ABCC9: variants seen among roughly 807,000 people sequenced by gnomAD.
ABCC9 encodes ATP binding cassette subfamily C member 9, also known as ATP-binding cassette sub-family C member 9.
A neutral mutation model predicts 188.3 loss-of-function variants in ABCC9; 95 were observed. The observed-to-expected ratio is 0.50, with a 90% CI of 0.43 to 0.60. The LOEUF (loss-of-function observed/expected upper bound fraction) is 0.60. Among genes scored for constraint, ABCC9 ranks in the 20% least tolerant of loss-of-function variants. The pLI is 0.00. For missense variants in ABCC9, 1,102 were observed against 1,876.3 expected (o/e 0.59, Z 7.62); for synonymous variants, 659 against 652.7 (o/e 1.01, Z -0.15).
rs34512824 is a variant in ABCC9 at position 21,910,770 on chromosome 12, A to G, written c.1164+56T>C. On this transcript the variant is annotated intron_variant, in intron 9 of 39. Transcript: ENST00000261200. ...AACTGAAGCTACCGCTATTCTTTTC[A>G]CTGAATGGTATATAGCATTCTTAGG... 6 of 1,496,422 alleles carry G rather than the reference A, an allele frequency of 4.0e-6. No homozygotes were observed. The South Asian group carries it at 4.8e-5, about 12-fold the overall frequency. 92.7% of individuals were successfully genotyped at this position (1,496,422 alleles called of 1,614,324 possible).
At chr12:21,859,124 C>G (rs571027638) in intron 22 of ABCC9, among the ~76,000 whole-genome samples, 3 of 152,088 alleles carry the variant, frequency 2.0e-5, no homozygotes, top group Non-Finnish European at 4.4e-5. Flanking sequence ...AGAGCAAAAC[C>G]AAGCTTTCTA....
chr12:21,857,409 A>G (rs754850347), intron 22 of ABCC9, among the ~76,000 whole-genome samples: 11 of 152,180 alleles, frequency 7.2e-5, no homozygotes, highest in Non-Finnish European at 4.4e-5. Context: ...AGGCTGATGA[A>G]CAGATAGTAC....
chr12:21,908,255 G>A (rs2137852914), intron 10 of ABCC9, 44 bp from the exon 11 acceptor site: 1 of 1,603,162 alleles, frequency 6.2e-7, no homozygotes, highest in South Asian at 1.1e-5. Context: ...AATGGGTTGT[G>A]GGAGCCATTG....
Position 21,908,199 on chromosome 12 carries a change from C to T in ABCC9, c.1333G>A (p.Val445Met). 1.2e-6 allele frequency: 2 copies of T among 1,612,358 alleles called. No homozygotes were observed. Among genetic ancestry groups the T allele is most frequent in the Non-Finnish European group, 1.7e-6 (2 of 1,178,860 alleles). ...WAMPVQIIMGVILLYNLLGSS... is the reference protein window; with the variant it reads ...WAMPVQIIMGMILLYNLLGSS... The stretch of plus-strand genomic sequence containing the variant: ...CCAAGTAAATTATAGAGCAGAATCA[C>T]GCCCATTATGATCTAGAGAGAAAAA... Residue 445 changes from valine (V) to methionine (M), a missense_variant, in exon 11 of 40, where the codon GTG becomes ATG. Physicochemically the swap from Val to Met is conservative, Grantham distance 21. Transcript: ENST00000261200.
intron 5 of ABCC9, chr12:21,925,239 T>C: frequency 2.5e-6 from 1 of 407,742 alleles, no homozygotes; most frequent in Non-Finnish European, 4.4e-6. Context: ...GGTCAGAGTA[T>C]TGAACATAAC....
At chr12:21,838,049 T>A in intron 30 of ABCC9, 29 bp downstream of exon 30, 1 of 1,501,554 alleles carries the variant, frequency 6.7e-7, no homozygotes, top group Non-Finnish European at 9.3e-7. Context: ...TATTGCCTAG[T>A]CAGCTAATAT....
intron 8 of ABCC9, 43 bp downstream of exon 8, chr12:21,912,829 T>G: frequency 6.3e-7 from 1 of 1,579,266 alleles, no homozygotes; most frequent in Non-Finnish European, 8.7e-7. Flanking sequence ...TACAATGAAA[T>G]CCATCAATAA....
At chr12:21,932,295 G>A (rs1949320374) in intron 4 of ABCC9, among the ~76,000 whole-genome samples, 1 of 151,632 alleles carries the variant, frequency 6.6e-6, no homozygotes, top group Admixed American at 6.6e-5. Context: ...AAAAATATGG[G>A]TTTTTAAAAC....
rs780802085 is a variant in ABCC9 at position 21,815,400 on chromosome 12, C to T, written c.4023+363G>A. ...GTAGAATGATTCCATTTTCTTCTGCCCACTTGTTCTTTTTACAATAACTAA... is the reference window on the plus strand; with the variant it reads ...GTAGAATGATTCCATTTTCTTCTGCTCACTTGTTCTTTTTACAATAACTAA... On this transcript the variant is annotated intron_variant, in intron 34 of 39. Coordinates refer to ENST00000261200, the MANE Select transcript of ABCC9 (RefSeq NM_020297.4). Among the ~76,000 whole-genome samples the T allele has an allele frequency of 2.0e-5, 3 of 151,478 alleles. No individual in the cohort carries two copies. The South Asian group carries it at 6.3e-4, about 32-fold the overall frequency.
At chr12:21,939,874 C>T (rs549582332) in intron 2 of ABCC9, among the ~76,000 whole-genome samples, 1 of 152,176 alleles carries the variant, frequency 6.6e-6, no homozygotes, top group Non-Finnish European at 1.5e-5. Flanking sequence ...GATTTCATGG[C>T]AAGAATCGCA....
chr12:21,824,927 C>A (rs1943276545), intron 31 of ABCC9, among the ~76,000 whole-genome samples: 1 of 113,882 alleles, frequency 8.8e-6, no homozygotes, highest in Non-Finnish European at 2.1e-5. Flanking sequence ...TTTTGTTGAT[C>A]TTTTTTGTTG....
At chr12:21,853,124 G>A (rs1945050543) in intron 22 of ABCC9, among the ~76,000 whole-genome samples, 1 of 152,120 alleles carries the variant, frequency 6.6e-6, no homozygotes, top group African/African-American at 2.4e-5. Context: ...AGACCAGCCT[G>A]GCCAACATGG....
At chr12:21,810,020 T>A (rs562716775) in intron 36 of ABCC9, 65 bp from the exon 37 acceptor site, 2 of 1,003,266 alleles carry the variant, frequency 2.0e-6, no homozygotes, top group South Asian at 1.3e-5. Flanking sequence ...GTATATTTGC[T>A]TATTGCTTTT....
chr12:21,910,802 A>G (rs1472656446), intron 9 of ABCC9, 24 bp downstream of exon 9: 3 of 1,593,634 alleles, frequency 1.9e-6, no homozygotes, highest in Non-Finnish European at 2.6e-6. Context: ...TAGGAAACAA[A>G]TAGTATTCAC....
At chr12:21,894,875 T>C (rs1202148304) in intron 13 of ABCC9, among the ~76,000 whole-genome samples, 1 of 152,236 alleles carries the variant, frequency 6.6e-6, no homozygotes, top group African/African-American at 2.4e-5. Flanking sequence ...TCTAGCTCCA[T>C]CTTGTTGTAA....
At chr12:21,829,395 G>GT (rs1943605923) in intron 30 of ABCC9, among the ~76,000 whole-genome samples, 1 of 151,700 alleles carries the variant, frequency 6.6e-6, no homozygotes, top group South Asian at 2.1e-4. Context: ...TAGAGACGAG[G>GT]TTTCACCGTG....
Position 21,816,036 on chromosome 12 carries a change from GTTTTTTTTTTTTT to G in ABCC9, c.3893-156_3893-144del, listed in dbSNP as rs10611051. ...TAATACTGAACCAAACTATGTGGCA[GTTTTTTTTTTTTT>G]TTTTTTTTTTTTTTTTTTTTTTTTT... On this transcript the variant is annotated intron_variant, in intron 33 of 39. Transcript: ENST00000261200. 8.5e-3 allele frequency: 495 copies of G among 58,144 alleles called. 4 individuals carry two copies. The highest frequency in any genetic ancestry group is 0.014 in the Admixed American group (46 of 3,378). 3.6% of individuals were successfully genotyped at this position (58,144 alleles called of 1,614,324 possible). A position where few individuals can be genotyped will look rare whatever the true frequency, so the allele number is the denominator to read the frequency against.
At position 21,798,935 on chromosome 12, in the gene ABCC9, A is replaced by G. The variant is rs1409877231; in HGVS notation, c.*2109T>C. On this transcript the variant is annotated 3_prime_UTR_variant, in exon 40 of 40. Coordinates refer to ENST00000261200, the MANE Select transcript of ABCC9 (RefSeq NM_020297.4). ...TGCAGCCATACAAAATGATGAGTTCATGTCCTTTGTAGGGACATGGATGAA... is the reference window on the plus strand; with the variant it reads ...TGCAGCCATACAAAATGATGAGTTCGTGTCCTTTGTAGGGACATGGATGAA... 2 of 150,542 alleles carry G rather than the reference A, an allele frequency of 1.3e-5. No homozygotes were observed. The highest frequency in any genetic ancestry group is 1.3e-4 in the Admixed American group (2 of 14,964). 9.3% of individuals were successfully genotyped at this position (150,542 alleles called of 1,614,324 possible).
chr12:21,902,277 C>G (rs1947799880), intron 12 of ABCC9, among the ~76,000 whole-genome samples: 2 of 152,162 alleles, frequency 1.3e-5, no homozygotes, highest in Middle Eastern at 3.2e-3. Flanking sequence ...ATACCAGAAT[C>G]TCTGGGACAC....
Sources: gnomAD v4.1 joint callset for allele counts (sites outside exome capture counted in the v4.1 genomes callset) on GRCh38, gnomAD v4.1.1 for gene constraint, MANE v1.5 for transcripts, NCBI Gene and HGNC (gene_info 2026-07-23, HGNC 2026-07-21) for gene names.